ELAVL4: variants seen among roughly 807,000 people sequenced by gnomAD.
ELAVL4 encodes the protein ELAV-like protein 4.
ELAVL4 carries 1 observed loss-of-function variant against 35.6 expected under a neutral mutation model. The ratio of observed to expected loss-of-function variants is 0.03; its 90% confidence interval spans 0.01 to 0.13. The LOEUF (loss-of-function observed/expected upper bound fraction) is 0.13. Ranked by LOEUF, ELAVL4 falls within the 10% of genes least tolerant of loss-of-function variation. The pLI, the probability that ELAVL4 is intolerant of heterozygous loss-of-function variation, is 1.00. For missense variants in ELAVL4, 267 were observed against 464.9 expected (o/e 0.57, Z 3.91); for synonymous variants, 156 against 171.0 (o/e 0.91, Z 0.69).
At chr1:50,121,209 C>G (rs1459198174) in intron 1 of ELAVL4, among the ~76,000 whole-genome samples, 1 of 151,950 alleles carries the variant, frequency 6.6e-6, no homozygotes, top group Non-Finnish European at 1.5e-5. Flanking sequence ...GCCTATTTAG[C>G]CCAACTAACA....
In ELAVL4 at chr1:50,192,248, G is replaced by A. The variant is rs1390533557; in HGVS notation, c.355-1517G>A. ...CCATCAGCAGGAGGAGGCCAGGGAG[G>A]CAGATTAGTCACTCACATCATTTTA... On this transcript the variant is annotated intron_variant, in intron 3 of 6. Coordinates refer to ENST00000371824, the MANE Select transcript of ELAVL4 (RefSeq NM_001144774.3). Among the ~76,000 whole-genome samples the A allele has an allele frequency of 1.3e-5, 2 of 152,188 alleles. 1 individual carries two copies. Among genetic ancestry groups the A allele is most frequent in the East Asian group, 3.9e-4 (2 of 5,188 alleles).
At chr1:50,141,433 T>C (rs1176569103) in intron 1 of ELAVL4, among the ~76,000 whole-genome samples, 1 of 152,136 alleles carries the variant, frequency 6.6e-6, no homozygotes, top group Non-Finnish European at 1.5e-5. Context: ...ATTATCGAGT[T>C]GGCAGTGCTT....
intron 1 of ELAVL4, among the ~76,000 whole-genome samples, chr1:50,139,364 C>T (rs1207900412): frequency 6.6e-6 from 1 of 152,198 alleles, no homozygotes; most frequent in Non-Finnish European, 1.5e-5. Context: ...AAGTGCTATA[C>T]TCAGAAAAGT....
At chr1:50,133,170 G>T (rs975261991) in intron 1 of ELAVL4, among the ~76,000 whole-genome samples, 4 of 152,116 alleles carry the variant, frequency 2.6e-5, no homozygotes, top group Non-Finnish European at 5.9e-5. Context: ...CTTCTGGTCT[G>T]CAGAATTTTG....
At chr1:50,109,936 C>G in intron 1 of ELAVL4, 3 of 1,612,232 alleles carry the variant, frequency 1.9e-6, no homozygotes, top group South Asian at 2.2e-5. Flanking sequence ...TTCTTCTGAT[C>G]ACAGATGGAG....
upstream of ELAVL4, among the ~76,000 whole-genome samples, chr1:50,105,150 C>A (rs1666203313): frequency 6.6e-6 from 1 of 152,090 alleles, no homozygotes; most frequent in Non-Finnish European, 1.5e-5. Flanking sequence ...TTAAATAAAC[C>A]TAATTTCTAC....
In ELAVL4 at chr1:50,069,783, C is replaced by T. The variant is rs184171360; in HGVS notation, c.18+21601C>T. 1.7e-3 allele frequency among the ~76,000 whole-genome samples: 253 copies of T among 152,224 alleles called. 2 individuals carry two copies. Among genetic ancestry groups the T allele is most frequent in the African/African-American group, 5.9e-3 (243 of 41,538 alleles). On this transcript the variant is annotated intron_variant, in intron 1 of 6. Coordinates refer to the ELAVL4 transcript ENST00000448907. ...TAAGCCCTTATCATCACTCTCTGAA[C>T]CTAGACAGCCTGACCCCAGAACCCA...
intron 1 of ELAVL4, among the ~76,000 whole-genome samples, chr1:50,125,733 G>T (rs2494884): frequency 0.23 from 35,436 of 151,982 alleles, 5,280 homozygotes; most frequent in East Asian, 0.42. Context: ...AATTAAGGCT[G>T]TTAAGATCTC....
Position 50,060,736 on chromosome 1 carries a change from C to T in ELAVL4, c.18+12554C>T, listed in dbSNP as rs968319469. On this transcript the variant is annotated intron_variant, in intron 1 of 6. Transcript: ENST00000448907. ...CAGAACTCAGTGAGACTCATAGGCA[C>T]AGTGAGCCTATGTCTCCACACTTTA... Among the ~76,000 whole-genome samples the T allele has an allele frequency of 2.0e-5, 3 of 152,308 alleles. No homozygotes were observed. The South Asian group carries it at 6.2e-4, about 32-fold the overall frequency.
At chr1:50,173,460 C>T (rs967205306) in intron 2 of ELAVL4, among the ~76,000 whole-genome samples, 1 of 152,194 alleles carries the variant, frequency 6.6e-6, no homozygotes, top group Non-Finnish European at 1.5e-5. Context: ...AAGTTTCCAT[C>T]TCAAACTGCC....
At chr1:50,128,599 C>T (rs139834101) in intron 1 of ELAVL4, among the ~76,000 whole-genome samples, 54 of 152,030 alleles carry the variant, frequency 3.6e-4, no homozygotes, top group Non-Finnish European at 6.2e-4. Context: ...GGCACATGTC[C>T]GTAATGGAAA....
intron 2 of ELAVL4, chr1:50,174,558 AG>A (rs1242582256): frequency 2.7e-5 from 4 of 150,358 alleles, no homozygotes; most frequent in Non-Finnish European, 5.9e-5. Context: ...CTCTAAAGTT[AG>A]AGCAGGTGAT....
rs1272095251 is a variant in ELAVL4, at chr1:50,144,698, C to T, written c.10-259C>T. ...GTAATGAAAACAGGAATTAGCTTTT[C>T]ATTAACAAAATAATGGGAGAGTTCC... On this transcript the variant is annotated intron_variant, in intron 1 of 6. Transcript: ENST00000371824. 4.6e-6 allele frequency: 3 copies of T among 658,018 alleles called. No homozygotes were observed. In the East Asian group the frequency reaches 9.3e-5, roughly 20 times the overall value. The allele number at this position is 658,018 out of a possible 1,614,324, so 40.8% of individuals were successfully genotyped here.
chr1:50,104,398 AC>A (rs1666151508), upstream of ELAVL4, among the ~76,000 whole-genome samples: 1 of 152,244 alleles, frequency 6.6e-6, no homozygotes, highest in Non-Finnish European at 1.5e-5. Context: ...CTTATTTCAT[AC>A]AACCAGAATT....
upstream of ELAVL4, among the ~76,000 whole-genome samples, chr1:50,107,225 A>G (rs1666408493): frequency 6.6e-6 from 1 of 152,256 alleles, no homozygotes; most frequent in South Asian, 2.1e-4. Flanking sequence ...TGTGACTCAC[A>G]GGACATTTTA....
chr1:50,153,420 C>T (rs1371770841), intron 2 of ELAVL4, among the ~76,000 whole-genome samples: 1 of 152,160 alleles, frequency 6.6e-6, no homozygotes, highest in Non-Finnish European at 1.5e-5. Flanking sequence ...GAACCCAAGA[C>T]CTAGAATTAG....
intron 1 of ELAVL4, among the ~76,000 whole-genome samples, chr1:50,061,433 A>C (rs1663965129): frequency 6.6e-6 from 1 of 152,192 alleles, no homozygotes; most frequent in African/African-American, 2.4e-5. Context: ...ACATAGACTC[A>C]AGTTTTAAAA....
At chr1:50,176,671 G>A (rs1227001699) in intron 2 of ELAVL4, among the ~76,000 whole-genome samples, 3 of 152,208 alleles carry the variant, frequency 2.0e-5, no homozygotes. Flanking sequence ...GAGGGGGAGA[G>A]AGATTAAATT....
chr1:50,048,084 A>G (rs958860553), exon 1 of ELAVL4: 1 of 1,414,612 alleles, frequency 7.1e-7, no homozygotes, highest in Non-Finnish European at 9.3e-7. Context: ...GAGCGGTGAG[A>G]CTCTGCGGAC....
Sources: allele counts gnomAD v4.1 joint callset (sites outside exome capture counted in the v4.1 genomes callset), GRCh38; gene constraint gnomAD v4.1.1; transcripts MANE v1.5; gene names NCBI Gene and HGNC (gene_info 2026-07-23, HGNC 2026-07-21).